The following GRM8 variants were observed in gnomAD, a reference collection of about 807,000 sequenced individuals.
The protein encoded by GRM8 is metabotropic glutamate receptor 8.
In GRM8, 47 loss-of-function variants were observed where a neutral mutation model predicts 87.2. The observed-to-expected ratio is 0.54, with a 90% CI of 0.43 to 0.69. GRM8 has a LOEUF of 0.69. Among genes scored for constraint, GRM8 ranks in the 30% least tolerant of loss-of-function variants. The pLI is 0.00. For missense variants in GRM8, 1,019 were observed against 1,139.2 expected, an observed-to-expected ratio of 0.89 and a Z score of 1.52; for synonymous variants, 396 against 404.5, an observed-to-expected ratio of 0.98 and a Z score of 0.25.
At chr7:126,672,420 C>T (rs1806478199) in intron 7 of GRM8, among the ~76,000 whole-genome samples, 1 of 152,224 alleles carries the variant, frequency 6.6e-6, no homozygotes, top group Admixed American at 6.5e-5. Context: ...TATATTCACT[C>T]TGTACCCCTT....
intron 2 of GRM8, among the ~76,000 whole-genome samples, chr7:127,109,139 T>C (rs992609432): frequency 2.0e-5 from 3 of 152,130 alleles, no homozygotes; most frequent in African/African-American, 7.2e-5. Flanking sequence ...TTATTTTCCC[T>C]ACATCAAATT....
intron 3 of GRM8, among the ~76,000 whole-genome samples, chr7:126,965,544 T>C (rs1443529675): frequency 2.0e-5 from 3 of 152,232 alleles, no homozygotes; most frequent in Non-Finnish European, 4.4e-5. Flanking sequence ...GTTTTCATTA[T>C]TATTTAAATT....
chr7:127,060,856 A>T (rs1363432375), intron 3 of GRM8, among the ~76,000 whole-genome samples: 2 of 152,204 alleles, frequency 1.3e-5, no homozygotes, highest in Non-Finnish European at 2.9e-5. Flanking sequence ...AGAGCAAAGA[A>T]TCTTTTGTAG....
intron 3 of GRM8, among the ~76,000 whole-genome samples, chr7:127,034,889 C>T (rs1038944816): frequency 6.6e-6 from 1 of 152,038 alleles, no homozygotes; most frequent in African/African-American, 2.4e-5. Context: ...AACTTTCACT[C>T]AAGCCATTTC....
chr7:126,449,497 A>T (rs1802385080), intron 9 of GRM8, among the ~76,000 whole-genome samples: 1 of 151,892 alleles, frequency 6.6e-6, no homozygotes, highest in African/African-American at 2.4e-5. Context: ...TCCTCCCAGG[A>T]GTATAGGACA....
intron 3 of GRM8, among the ~76,000 whole-genome samples, chr7:126,945,691 C>T (rs146962899): frequency 6.2e-4 from 94 of 152,226 alleles, no homozygotes; most frequent in African/African-American, 1.8e-3. Context: ...AATTGAAATC[C>T]AAAGCACTTC....
At chr7:127,049,202 ATC>A (rs1186739627) in intron 3 of GRM8, among the ~76,000 whole-genome samples, 1 of 152,090 alleles carries the variant, frequency 6.6e-6, no homozygotes, top group Non-Finnish European at 1.5e-5. Flanking sequence ...TAGAAAAATC[ATC>A]TCTCTCTCTG....
intron 2 of GRM8, among the ~76,000 whole-genome samples, chr7:127,115,649 A>G (rs1377297256): frequency 3.3e-5 from 5 of 152,218 alleles, no homozygotes; most frequent in African/African-American, 1.2e-4. Context: ...CATAAGATTA[A>G]TAAACCTTTT....
At position 126,744,401 on chromosome 7, in the gene GRM8, T is replaced by C. The variant is rs780491317; in HGVS notation, c.1357+25464A>G. On this transcript the variant is annotated intron_variant, in intron 7 of 10. Coordinates refer to ENST00000339582, the MANE Select transcript of GRM8 (RefSeq NM_000845.3). ...ATTTGGGCCTTCGTATAAAAATATT[T>C]TGGAAAACTTGCATACTCCTCAAAT... 2.8e-4 allele frequency among the ~76,000 whole-genome samples: 43 copies of C among 152,152 alleles called. No individual in the cohort carries two copies. The Middle Eastern group carries it at 0.01, about 36-fold the overall frequency.
intron 6 of GRM8, among the ~76,000 whole-genome samples, chr7:126,841,955 G>A (rs1237165823): frequency 1.3e-5 from 2 of 152,066 alleles, no homozygotes; most frequent in East Asian, 1.9e-4. Flanking sequence ...TCAAACAAAT[G>A]TTGTTGAGAG....
intron 3 of GRM8, among the ~76,000 whole-genome samples, chr7:126,990,928 GAAGTC>G (rs1034359878): frequency 1.3e-5 from 2 of 152,078 alleles, no homozygotes; most frequent in African/African-American, 4.8e-5. Context: ...GGGTGTTAGA[GAAGTC>G]AATTCTTTAT....
intron 6 of GRM8, among the ~76,000 whole-genome samples, chr7:126,865,788 C>T (rs1798542595): frequency 6.6e-6 from 1 of 152,096 alleles, no homozygotes; most frequent in African/African-American, 2.4e-5. Context: ...AAATAATATT[C>T]CATTGTATGG....
intron 8 of GRM8, among the ~76,000 whole-genome samples, chr7:126,553,129 C>G (rs1792768134): frequency 6.6e-6 from 1 of 152,154 alleles, no homozygotes; most frequent in Non-Finnish European, 1.5e-5. Flanking sequence ...ACCATAGCTG[C>G]TGCTATTCTT....
intron 7 of GRM8, among the ~76,000 whole-genome samples, chr7:126,747,940 T>C (rs1453319169): frequency 1.3e-5 from 2 of 152,060 alleles, no homozygotes; most frequent in Non-Finnish European, 2.9e-5. Context: ...ATATAGTATG[T>C]ATTAATGTTC....
At chr7:126,777,026 C>A (rs756076093) in intron 6 of GRM8, among the ~76,000 whole-genome samples, 2 of 152,256 alleles carry the variant, frequency 1.3e-5, no homozygotes, top group East Asian at 3.9e-4. Flanking sequence ...CCTGGAAATT[C>A]TGCACTAACA....
intron 6 of GRM8, among the ~76,000 whole-genome samples, chr7:126,795,979 C>T (rs1449882869): frequency 6.6e-6 from 1 of 151,870 alleles, no homozygotes; most frequent in Non-Finnish European, 1.5e-5. Flanking sequence ...ATATATGAAC[C>T]TTAAAATAAC....
chr7:126,687,527 G>T (rs1377548505), intron 7 of GRM8, among the ~76,000 whole-genome samples: 1 of 151,646 alleles, frequency 6.6e-6, no homozygotes, highest in Admixed American at 6.6e-5. Context: ...TCTAGCTTTA[G>T]CTATTATGCA....
chr7:127,126,268 G>GTA (rs1827367397), intron 2 of GRM8, among the ~76,000 whole-genome samples: 1 of 151,916 alleles, frequency 6.6e-6, no homozygotes, highest in South Asian at 2.1e-4. Context: ...AAGAAATGGG[G>GTA]TATATATGGA....
chr7:126,532,993 A>G lies in GRM8; in HGVS notation c.2389T>C (p.Phe797Leu). 1.9e-6 allele frequency: 3 copies of G among 1,613,288 alleles called. No individual in the cohort carries two copies. Among genetic ancestry groups the G allele is most frequent in the Non-Finnish European group, 2.5e-6 (3 of 1,179,694 alleles). The change falls in exon 9 of 11, where the codon TTC (phenylalanine) becomes CTC (leucine). Residue 797 changes from phenylalanine (F) to leucine (L), a missense_variant. Phe to Leu is a conservative substitution (Grantham distance 22). Transcript: ENST00000339582. ...MYTTCIIWLA[F>L]IPIFFGTAQS... ...GCTGTACCAAAAAAGATGGGGATGA[A>G]AGCTAACCAAATGATGCAGGTGGTA...
Sources: allele counts gnomAD v4.1 joint callset (sites outside exome capture counted in the v4.1 genomes callset), GRCh38; gene constraint gnomAD v4.1.1; transcripts MANE v1.5; gene names NCBI Gene and HGNC (gene_info 2026-07-23, HGNC 2026-07-21).